The following DNAH8 variants were observed in gnomAD, a reference collection of about 807,000 sequenced individuals.
The protein encoded by DNAH8 is dynein axonemal heavy chain 8, also known as axonemal beta dynein heavy chain 8.
In DNAH8, 382 loss-of-function variants were observed where a neutral mutation model predicts 562.1. The observed-to-expected ratio is 0.68, with a 90% CI of 0.63 to 0.74. The LOEUF (loss-of-function observed/expected upper bound fraction) is 0.74, where lower values mean the gene tolerates loss of function less well. Among genes scored for constraint, DNAH8 ranks in the 30% least tolerant of loss-of-function variants. The pLI, the probability that DNAH8 is intolerant of heterozygous loss-of-function variation, is 0.00. For synonymous variants in DNAH8, 1,881 were observed against 1,919.4 expected, an observed-to-expected ratio of 0.98 and a Z score of 0.52; for missense variants, 5,203 against 5,620.4, an observed-to-expected ratio of 0.93 and a Z score of 2.37.
rs368527130 is a variant in DNAH8 at position 38,723,074 on chromosome 6, G to A, written c.265G>A (p.Ala89Thr). ...TCTGAATAGAGTTCGACAGAGGCTT[G>A]CACCGCGACCGGTTCAGTCAGTGAT... ...ADLNRVRQRL[A>T]PRPVQSVISE... Residue 89 changes from alanine to threonine, a missense_variant, in exon 2 of 93, where the codon GCA (alanine) becomes ACA (threonine). Around this residue, in one of 6 missense-constraint regions of DNAH8, gnomAD observed 556 missense variants for 496.9 expected, o/e 1.12. Transcript: ENST00000327475. 1.9e-6 allele frequency: 3 copies of A among 1,612,902 alleles called. No individual in the cohort carries two copies. The highest frequency in any genetic ancestry group is 2.2e-5 in the East Asian group (1 of 44,874).
At chr6:38,942,801 C>T (rs1238529596) in intron 79 of DNAH8, among the ~76,000 whole-genome samples, 6 of 152,094 alleles carry the variant, frequency 3.9e-5, no homozygotes, top group Admixed American at 3.3e-4. Context: ...GAGGCATGCT[C>T]GATACTAAGA....
chr6:38,940,373 G>A (rs1783341469), intron 79 of DNAH8, among the ~76,000 whole-genome samples: 1 of 152,192 alleles, frequency 6.6e-6, no homozygotes, highest in Admixed American at 6.5e-5. Flanking sequence ...GTGGTTGGAA[G>A]AGGAGTTGGT....
chr6:38,901,641 T>C (rs979031627), intron 62 of DNAH8, among the ~76,000 whole-genome samples: 1 of 152,172 alleles, frequency 6.6e-6, no homozygotes, highest in Non-Finnish European at 1.5e-5. Context: ...AACTTTGTTG[T>C]TCTTCAAAAC....
intron 17 of DNAH8, among the ~76,000 whole-genome samples, chr6:38,786,508 A>C (rs1057167552): frequency 6.6e-6 from 1 of 152,248 alleles, no homozygotes; most frequent in East Asian, 1.9e-4. Context: ...TGCAATTCAT[A>C]GCACAAAGCA....
At chr6:38,743,679 C>T (rs983734273) in intron 8 of DNAH8, among the ~76,000 whole-genome samples, 7 of 152,160 alleles carry the variant, frequency 4.6e-5, no homozygotes, top group African/African-American at 7.2e-5. Context: ...TTTCAAGTTT[C>T]GTCCATGTTG....
At chr6:38,729,110 G>A (rs1350869143) in intron 3 of DNAH8, among the ~76,000 whole-genome samples, 3 of 152,108 alleles carry the variant, frequency 2.0e-5, no homozygotes, top group Non-Finnish European at 2.9e-5. Context: ...GACTGATGCC[G>A]GAGAATCTCT....
At chr6:39,019,216 C>G (rs897114486) in intron 91 of DNAH8, among the ~76,000 whole-genome samples, 1 of 152,040 alleles carries the variant, frequency 6.6e-6, no homozygotes, top group Non-Finnish European at 1.5e-5. Flanking sequence ...ACAGCACTCA[C>G]AGATGGAGAA....
In DNAH8 at chr6:38,906,222, A is replaced by C. The variant is rs150907289; in HGVS notation, c.9195-32A>C. 5.6e-5 allele frequency: 82 copies of C among 1,457,772 alleles called. No individual in the cohort carries two copies. The East Asian group carries it at 1.9e-3, about 34-fold the overall frequency. The allele number at this position is 1,457,772 out of a possible 1,614,324, so 90.3% of individuals were successfully genotyped here. A position where few individuals can be genotyped will look rare whatever the true frequency, so the allele number is the denominator to read the frequency against. On this transcript the variant is annotated intron_variant, in intron 62 of 92. Coordinates refer to ENST00000327475, the MANE Select transcript of DNAH8 (RefSeq NM_001206927.2). The stretch of plus-strand genomic sequence containing the variant: ...GCGCCCAGCCGACTATATATTTTTT[A>C]ATCTAAAACTTTCTATCATTTTTCT...
rs534423922 is a variant in DNAH8 at position 38,762,701 on chromosome 6, G to C, written c.1617+898G>C. On this transcript the variant is annotated intron_variant, in intron 11 of 92. Coordinates refer to ENST00000327475, the MANE Select transcript of DNAH8 (RefSeq NM_001206927.2). The stretch of plus-strand genomic sequence containing the variant: ...CAGCAGGAAGGCTCCATCTGGAAGT[G>C]GTTATTGGTCATCTCTGTGTGCAGG... Among the ~76,000 whole-genome samples, 22 of 152,352 alleles carry C rather than the reference G, an allele frequency of 1.4e-4. 2 individuals carry two copies. The South Asian group carries it at 4.6e-3, about 32-fold the overall frequency.
chr6:38,842,332 T>C, intron 33 of DNAH8, 36 bp from the exon 34 acceptor site: 1 of 1,548,866 alleles, frequency 6.5e-7, no homozygotes, highest in Non-Finnish European at 8.8e-7. Context: ...TTAAATATTA[T>C]ACATGATGTG....
chr6:39,022,359 G>C (rs755592329), intron 91 of DNAH8, among the ~76,000 whole-genome samples: 5 of 152,122 alleles, frequency 3.3e-5, no homozygotes, highest in Non-Finnish European at 5.9e-5. Flanking sequence ...TGACCCTATG[G>C]ACCAGGCCTC....
At chr6:38,886,723 A>G in intron 56 of DNAH8, 68 bp from the exon 57 acceptor site, 1 of 1,205,378 alleles carries the variant, frequency 8.3e-7, no homozygotes, top group Admixed American at 1.7e-5. Flanking sequence ...CATTTGTACT[A>G]TTTTATTGAA....
At chr6:38,782,870 T>C (rs1768776714) in intron 16 of DNAH8, 134 bp from the exon 17 acceptor site, 2 of 764,996 alleles carry the variant, frequency 2.6e-6, no homozygotes, top group Admixed American at 2.8e-5. Context: ...TCCCCATCTC[T>C]GTTTTACTGT....
intron 53 of DNAH8, among the ~76,000 whole-genome samples, chr6:38,876,393 AT>A (rs2150447268): frequency 6.6e-6 from 1 of 152,324 alleles, no homozygotes; most frequent in African/African-American, 2.4e-5. Context: ...GAGGAAAAAT[AT>A]GCTTCCTAAA....
chr6:38,735,181 T>C (rs1215903538), intron 5 of DNAH8, among the ~76,000 whole-genome samples: 1 of 152,218 alleles, frequency 6.6e-6, no homozygotes, highest in East Asian at 1.9e-4. Context: ...CCTGGCAAGA[T>C]TGTAGTGACA....
At chr6:38,780,628 G>T (rs1469066856) in intron 15 of DNAH8, among the ~76,000 whole-genome samples, 1 of 152,120 alleles carries the variant, frequency 6.6e-6, no homozygotes, top group Non-Finnish European at 1.5e-5. Context: ...CTTATAAGTG[G>T]GAGCTAAACA....
chr6:38,822,692 T>C (rs982716586), intron 26 of DNAH8, 146 bp from the exon 27 acceptor site: 3 of 590,728 alleles, frequency 5.1e-6, no homozygotes, highest in Non-Finnish European at 2.8e-6. Context: ...AGAGAATAGC[T>C]CTTAATTACT....
chr6:38,873,484 T>G (rs1326996325), intron 52 of DNAH8, 108 bp downstream of exon 52: 4 of 931,608 alleles, frequency 4.3e-6, no homozygotes, highest in Non-Finnish European at 6.2e-6. Flanking sequence ...ATAAAAATCA[T>G]TTGATGATGT....
intron 82 of DNAH8, among the ~76,000 whole-genome samples, chr6:38,960,571 G>C (rs1352395648): frequency 2.0e-5 from 3 of 151,766 alleles, no homozygotes; most frequent in Non-Finnish European, 4.4e-5. Flanking sequence ...ACTACAATGA[G>C]ATATCATCTC....
Sources: gnomAD v4.1 joint callset for allele counts (sites outside exome capture counted in the v4.1 genomes callset) on GRCh38, gnomAD v4.1.1 for gene constraint, gnomAD v4.1.1 regional missense constraint, MANE v1.5 for transcripts, NCBI Gene and HGNC (gene_info 2026-07-23, HGNC 2026-07-21) for gene names.